Variants in NUBPL observed in about 807,000 individuals in gnomAD.
NUBPL encodes iron-sulfur cluster transfer protein NUBPL.
Under a neutral mutation model 45.7 loss-of-function variants are expected in NUBPL, and 31 were observed. The observed-to-expected ratio is 0.68, with a 90% CI of 0.51 to 0.92. The LOEUF (loss-of-function observed/expected upper bound fraction) is 0.92, where lower values mean the gene tolerates loss of function less well. Ranked by LOEUF, NUBPL falls within the 40% of genes least tolerant of loss-of-function variation. The pLI is 0.00. For synonymous variants in NUBPL, 144 were observed against 140.9 expected (o/e 1.02, Z -0.15); for missense variants, 401 against 398.7 (o/e 1.01, Z -0.05).
chr14:31,846,859 G>A (rs961687385), intron 9 of NUBPL, among the ~76,000 whole-genome samples: 3 of 152,082 alleles, frequency 2.0e-5, no homozygotes, highest in African/African-American at 4.8e-5. Context: ...AGGAGGCTGA[G>A]GCAGGAGAAT....
chr14:31,676,527 AC>A (rs930156271), intron 6 of NUBPL, among the ~76,000 whole-genome samples: 1 of 151,770 alleles, frequency 6.6e-6, no homozygotes, highest in African/African-American at 2.4e-5. Flanking sequence ...CCTCTATAAT[AC>A]TTTTACAGTT....
At chr14:31,719,561 A>G (rs548442830) in intron 6 of NUBPL, among the ~76,000 whole-genome samples, 1 of 152,210 alleles carries the variant, frequency 6.6e-6, no homozygotes, top group Non-Finnish European at 1.5e-5. Context: ...CTAGACTTGG[A>G]GTCTGGTCCT....
chr14:31,570,039 C>A (rs2033540436), intron 3 of NUBPL, among the ~76,000 whole-genome samples: 1 of 152,150 alleles, frequency 6.6e-6, no homozygotes, highest in Non-Finnish European at 1.5e-5. Flanking sequence ...TAAGTCAGTT[C>A]ATTTCAGTTC....
chr14:31,676,736 G>A (rs904255136), intron 6 of NUBPL, among the ~76,000 whole-genome samples: 1 of 151,490 alleles, frequency 6.6e-6, no homozygotes, highest in Non-Finnish European at 1.5e-5. Flanking sequence ...GTCTGTTCAA[G>A]TCTTCTACTC....
chr14:31,762,679 C>T (rs1162108457), intron 6 of NUBPL, among the ~76,000 whole-genome samples: 1 of 152,150 alleles, frequency 6.6e-6, no homozygotes, highest in Non-Finnish European at 1.5e-5. Flanking sequence ...GCATCCAGAT[C>T]CAGTTTTTGG....
intron 3 of NUBPL, among the ~76,000 whole-genome samples, chr14:31,569,933 C>T (rs139519029): frequency 1.8e-4 from 27 of 152,128 alleles, no homozygotes; most frequent in East Asian, 1.2e-3. Context: ...CATTCTTTTA[C>T]GGCAAAAATT....
At chr14:31,696,583 G>GAAAAAA (rs546970253) in intron 6 of NUBPL, among the ~76,000 whole-genome samples, 144 of 149,398 alleles carry the variant, frequency 9.6e-4, no homozygotes, top group Non-Finnish European at 1.7e-3. Flanking sequence ...TCGCCTGAGT[G>GAAAAAA]AAAAAAAAAC....
At chr14:31,691,425 T>C (rs1045494066) in intron 6 of NUBPL, among the ~76,000 whole-genome samples, 1 of 152,206 alleles carries the variant, frequency 6.6e-6, no homozygotes, top group African/African-American at 2.4e-5. Flanking sequence ...GTAAAGTTTT[T>C]TGGGAGTCAA....
chr14:31,793,223 C>A (rs780688542), intron 7 of NUBPL, among the ~76,000 whole-genome samples: 6 of 152,012 alleles, frequency 3.9e-5, no homozygotes, highest in Non-Finnish European at 7.4e-5. Flanking sequence ...TAGAAAAAAA[C>A]CCTTTGTACT....
intron 3 of NUBPL, among the ~76,000 whole-genome samples, chr14:31,567,887 C>G (rs933159468): frequency 2.0e-5 from 3 of 152,162 alleles, no homozygotes; most frequent in African/African-American, 4.8e-5. Context: ...TTAACCAACC[C>G]TCTAGGCGAT....
intron 6 of NUBPL, among the ~76,000 whole-genome samples, chr14:31,682,525 A>T (rs918628652): frequency 4.6e-5 from 7 of 152,090 alleles, no homozygotes; most frequent in Admixed American, 4.6e-4. Flanking sequence ...TATAATTATT[A>T]ATGGTTGGGT....
At chr14:31,596,136 G>A (rs552555139) in intron 3 of NUBPL, among the ~76,000 whole-genome samples, 1 of 152,138 alleles carries the variant, frequency 6.6e-6, no homozygotes, top group South Asian at 2.1e-4. Context: ...TTGATCTCCT[G>A]ACCTTGTGAT....
intron 4 of NUBPL, among the ~76,000 whole-genome samples, chr14:31,637,784 G>A (rs997125499): frequency 1.3e-5 from 2 of 152,160 alleles, no homozygotes; most frequent in Non-Finnish European, 2.9e-5. Context: ...TGTATTGGGT[G>A]CATATATATT....
chr14:31,802,967 A>C (rs1214905932), intron 7 of NUBPL, among the ~76,000 whole-genome samples: 1 of 152,216 alleles, frequency 6.6e-6, no homozygotes, highest in Non-Finnish European at 1.5e-5. Flanking sequence ...CACAGTGACT[A>C]AACTTCCATT....
rs775549568 is a variant in NUBPL at position 31,846,506 on chromosome 14, G to A, written c.729G>A (p.Gln243=). 1.2e-6 allele frequency: 2 copies of A among 1,613,144 alleles called. No individual in the cohort carries two copies. Among genetic ancestry groups the A allele is most frequent in the South Asian group, 2.2e-5 (2 of 90,812 alleles). ...LGLVQNMSVF[Q]CPKCKHKTHI... The stretch of plus-strand genomic sequence containing the variant: ...TTGTCCAAAACATGAGTGTTTTCCA[G>A]TGTCCAAAATGTAAACACAAAACTC... The change falls in exon 9 of 11, where the codon CAG becomes CAA. Residue 243 remains glutamine (Q), a synonymous_variant. Coordinates refer to ENST00000281081, the MANE Select transcript of NUBPL (RefSeq NM_025152.3).
At chr14:31,782,354 C>T (rs374975567) in intron 6 of NUBPL, among the ~76,000 whole-genome samples, 16 of 152,222 alleles carry the variant, frequency 1.1e-4, no homozygotes, top group South Asian at 6.2e-4. Flanking sequence ...GAGATTGCGC[C>T]GCTGCACTCC....
At chr14:31,762,670 C>G (rs532347728) in intron 6 of NUBPL, among the ~76,000 whole-genome samples, 46 of 152,178 alleles carry the variant, frequency 3.0e-4, no homozygotes, top group Non-Finnish European at 5.7e-4. Context: ...AATTTAAATG[C>G]ATCCAGATCC....
chr14:31,647,914 C>T (rs1030819614), intron 4 of NUBPL, among the ~76,000 whole-genome samples: 1 of 152,160 alleles, frequency 6.6e-6, no homozygotes, highest in Non-Finnish European at 1.5e-5. Flanking sequence ...TTGGAAAAGG[C>T]TACTTTTAAT....
intron 7 of NUBPL, among the ~76,000 whole-genome samples, chr14:31,804,608 TAGAG>T (rs1649480675): frequency 6.6e-6 from 1 of 152,126 alleles, no homozygotes; most frequent in African/African-American, 2.4e-5. Context: ...TGGAACATAA[TAGAG>T]AGCCCAGAAG....
Sources: allele counts gnomAD v4.1 joint callset (sites outside exome capture counted in the v4.1 genomes callset), GRCh38; gene constraint gnomAD v4.1.1; transcripts MANE v1.5; gene names NCBI Gene and HGNC (gene_info 2026-07-23, HGNC 2026-07-21).